Variants in BCAS1 observed in about 807,000 individuals in gnomAD.
BCAS1 encodes brain enriched myelin associated protein 1.
Under a neutral mutation model 65.4 loss-of-function variants are expected in BCAS1, and 46 were observed. The observed-to-expected ratio is 0.70, with a 90% CI of 0.55 to 0.90. The LOEUF (loss-of-function observed/expected upper bound fraction) is 0.90. BCAS1 is among the 40% of genes least tolerant of loss of function. The pLI is 0.00. For missense variants in BCAS1, 793 were observed against 771.2 expected (o/e 1.03, Z -0.33); for synonymous variants, 298 against 293.5 (o/e 1.02, Z -0.16).
In BCAS1 at chr20:53,946,923, T is replaced by C. The variant is rs1315877409; in HGVS notation, c.1816-1927A>G. 3.9e-5 allele frequency among the ~76,000 whole-genome samples: 6 copies of C among 152,010 alleles called. No homozygotes were observed. In the South Asian group the frequency reaches 8.3e-4, roughly 21 times the overall value. ...ATAATATGTAATATAGTATATAGAG[T>C]GTATTATAGCATAATAAATAGAGTG... On this transcript the variant is annotated intron_variant, in intron 12 of 12. Transcript: ENST00000688948.
In BCAS1 at chr20:54,058,738, A is replaced by G. The variant is rs1397089774; in HGVS notation, c.-5-15T>C. On this transcript the variant is annotated splice_polypyrimidine_tract_variant and intron_variant, in intron 1 of 12. Transcript: ENST00000688948. ...ACCCATTGCTCCTATAATGGAGAGA[A>G]AGAGAGGAAGAGAGAAAGAAATCAA... is the stretch of plus-strand genomic sequence containing the variant. 2 of 1,606,596 alleles carry G rather than the reference A, an allele frequency of 1.2e-6. No individual in the cohort carries two copies. Among genetic ancestry groups the G allele is most frequent in the Non-Finnish European group, 1.7e-6 (2 of 1,178,402 alleles).
chr20:54,022,474 C>T (rs1428255048), intron 4 of BCAS1, among the ~76,000 whole-genome samples: 2 of 152,140 alleles, frequency 1.3e-5, no homozygotes, highest in African/African-American at 4.8e-5. Flanking sequence ...TACTGATGGC[C>T]TATATTATCT....
At chr20:54,053,553 T>G (rs934375001) in intron 3 of BCAS1, among the ~76,000 whole-genome samples, 1 of 152,216 alleles carries the variant, frequency 6.6e-6, no homozygotes, top group Non-Finnish European at 1.5e-5. Context: ...TAGGCAGAAA[T>G]AATACAGTTA....
At chr20:53,945,166 T>A (rs2089271121) in intron 12 of BCAS1, among the ~76,000 whole-genome samples, 170 bp from the exon 13 acceptor site, 1 of 152,240 alleles carries the variant, frequency 6.6e-6, no homozygotes. Context: ...CCGGGTTCGA[T>A]ACCCAGTTAC....
In BCAS1 at chr20:53,991,284, C is replaced by T. The variant is rs186527112; in HGVS notation, c.1062+1228G>A. Among the ~76,000 whole-genome samples, 10 of 152,302 alleles carry T rather than the reference C, an allele frequency of 6.6e-5. No homozygotes were observed. The East Asian group carries it at 1.5e-3, about 23-fold the overall frequency. On this transcript the variant is annotated intron_variant, in intron 7 of 12. Coordinates refer to ENST00000688948, the MANE Select transcript of BCAS1 (RefSeq NM_001366298.2). ...GAGCACATTTTAATCTTCCCTCCCC[C>T]GTTGCAATATTTATCATTCCCCATT...
intron 3 of BCAS1, among the ~76,000 whole-genome samples, chr20:54,037,865 CA>C (rs2091925476): frequency 6.6e-6 from 1 of 150,932 alleles, no homozygotes; most frequent in Non-Finnish European, 1.5e-5. Flanking sequence ...ACAAAGTAGA[CA>C]AAGTTTAGTT....
At chr20:53,962,820 A>G (rs1231863692) in intron 10 of BCAS1, among the ~76,000 whole-genome samples, 27 of 152,086 alleles carry the variant, frequency 1.8e-4, no homozygotes, top group Admixed American at 1.8e-3. Flanking sequence ...TTTCCCTAAA[A>G]TATAGTTATT....
At chr20:54,058,554 C>T in intron 2 of BCAS1, 93 bp downstream of exon 2, 1 of 1,528,538 alleles carries the variant, frequency 6.5e-7, no homozygotes, top group East Asian at 2.2e-5. Flanking sequence ...AATCAGCAGC[C>T]AGGACTTCAG....
chr20:54,036,948 C>A (rs290463), intron 3 of BCAS1, among the ~76,000 whole-genome samples: 80,903 of 150,830 alleles, frequency 0.54, 23,341 homozygotes, highest in South Asian at 0.61. Context: ...CAAATATTCT[C>A]GTCAAAACAA....
chr20:54,025,969 A>G (rs771377809), intron 4 of BCAS1, among the ~76,000 whole-genome samples: 4 of 152,196 alleles, frequency 2.6e-5, no homozygotes, highest in Non-Finnish European at 5.9e-5. Context: ...AATATCCATA[A>G]GTTCACAGGC....
intron 4 of BCAS1, among the ~76,000 whole-genome samples, chr20:54,007,722 T>A (rs768611620): frequency 3.4e-5 from 5 of 147,782 alleles, no homozygotes; most frequent in Non-Finnish European, 7.4e-5. Flanking sequence ...TTTGAAATAT[T>A]TTTTTTTTCT....
At chr20:54,032,514 A>C (rs2091822524) in intron 3 of BCAS1, among the ~76,000 whole-genome samples, 1 of 151,416 alleles carries the variant, frequency 6.6e-6, no homozygotes, top group South Asian at 2.1e-4. Flanking sequence ...GATCCCATTA[A>C]AAGACATAAA....
intron 4 of BCAS1, among the ~76,000 whole-genome samples, chr20:54,005,623 C>T (rs2091169048): frequency 6.6e-6 from 1 of 152,170 alleles, no homozygotes; most frequent in African/African-American, 2.4e-5. Flanking sequence ...TTACATTAGT[C>T]TTTTTGGAGG....
chr20:53,997,238 T>A (rs1429027049), intron 4 of BCAS1, among the ~76,000 whole-genome samples: 1 of 152,210 alleles, frequency 6.6e-6, no homozygotes, highest in Non-Finnish European at 1.5e-5. Flanking sequence ...TCTACTTCAC[T>A]CAGTGCTTTT....
chr20:53,948,031 C>T (rs927368203), intron 12 of BCAS1, among the ~76,000 whole-genome samples: 3 of 152,166 alleles, frequency 2.0e-5, no homozygotes, highest in African/African-American at 7.2e-5. Context: ...CTCACTCAGC[C>T]ACTAGATGAG....
chr20:54,049,312 A>C lies in BCAS1; in HGVS notation c.142+8773T>G, dbSNP rs185833034. On this transcript the variant is annotated intron_variant, in intron 3 of 12. Coordinates refer to ENST00000688948, the MANE Select transcript of BCAS1 (RefSeq NM_001366298.2). ...TAGAAACCTTTTATCCAGGTCAAAC[A>C]TTCCTTCTGTTTCTGGAAAATGACG... is the stretch of plus-strand genomic sequence containing the variant. Among the ~76,000 whole-genome samples, 7 of 152,342 alleles carry C rather than the reference A, an allele frequency of 4.6e-5. No homozygotes were observed. In the East Asian group the frequency reaches 1.3e-3, roughly 29 times the overall value.
intron 4 of BCAS1, 84 bp downstream of exon 4, chr20:54,028,308 G>T: frequency 2.1e-6 from 3 of 1,404,088 alleles, no homozygotes; most frequent in South Asian, 1.2e-5. Context: ...GGCCCAGGGT[G>T]ACTGCATATG....
intron 4 of BCAS1, among the ~76,000 whole-genome samples, chr20:54,003,861 T>G (rs1600840873): frequency 6.6e-6 from 1 of 152,190 alleles, no homozygotes; most frequent in Non-Finnish European, 1.5e-5. Flanking sequence ...AAAAACAGGT[T>G]CTAATATGAG....
At chr20:54,047,257 C>A (rs2092126503) in intron 3 of BCAS1, among the ~76,000 whole-genome samples, 2 of 152,152 alleles carry the variant, frequency 1.3e-5, no homozygotes, top group African/African-American at 4.8e-5. Flanking sequence ...GGCAGAAGCT[C>A]CGAGTCTTCT....
Sources: gnomAD v4.1 joint callset for allele counts (sites outside exome capture counted in the v4.1 genomes callset) on GRCh38, gnomAD v4.1.1 for gene constraint, MANE v1.5 for transcripts, NCBI Gene and HGNC (gene_info 2026-07-23, HGNC 2026-07-21) for gene names.